SMIM14: variants seen among roughly 807,000 people sequenced by gnomAD.
SMIM14 encodes small integral membrane protein 14.
A neutral mutation model predicts 12.6 loss-of-function variants in SMIM14; 5 were observed. The observed-to-expected ratio is 0.40, with a 90% CI of 0.21 to 0.83. The LOEUF is 0.83. Ranked by LOEUF, SMIM14 falls within the 40% of genes least tolerant of loss-of-function variation. The pLI is 0.37. For synonymous variants in SMIM14, 30 were observed against 40.1 expected, an observed-to-expected ratio of 0.75 and a Z score of 0.95; for missense variants, 86 against 119.1, an observed-to-expected ratio of 0.72 and a Z score of 1.29.
chr4:39,618,080 A>C (rs930812272), intron 1 of SMIM14, among the ~76,000 whole-genome samples: 1 of 152,182 alleles, frequency 6.6e-6, no homozygotes, highest in Non-Finnish European at 1.5e-5. Context: ...CTCCTGCCAA[A>C]GCAAGCCCAC....
chr4:39,588,684 A>G (rs2110034525), intron 2 of SMIM14, among the ~76,000 whole-genome samples: 1 of 152,202 alleles, frequency 6.6e-6, no homozygotes, highest in African/African-American at 2.4e-5. Context: ...CATATTTCTT[A>G]AAAAGATCTG....
intron 4 of SMIM14, 144 bp downstream of exon 4, chr4:39,556,284 T>G (rs1035623807): frequency 8.5e-5 from 57 of 667,250 alleles, no homozygotes; most frequent in Non-Finnish European, 1.2e-4. Flanking sequence ...ATTGCAATAT[T>G]TAATAGAACT....
intron 1 of SMIM14, among the ~76,000 whole-genome samples, chr4:39,611,233 C>T (rs184098589): frequency 6.6e-5 from 10 of 152,306 alleles, no homozygotes; most frequent in East Asian, 5.8e-4. Context: ...CAGCCAGACA[C>T]GGTGGCTCAC....
At position 39,572,543 on chromosome 4, in the gene SMIM14, G is replaced by C. The variant is rs570244714; in HGVS notation, c.76-80C>G. The C allele has an allele frequency of 1.8e-5, 23 of 1,253,416 alleles. No individual in the cohort carries two copies. In the African/African-American group the frequency reaches 3.1e-4, roughly 17 times the overall value. The allele number at this position is 1,253,416 out of a possible 1,614,324, so 77.6% of individuals were successfully genotyped here. On this transcript the variant is annotated intron_variant, in intron 2 of 4. Transcript: ENST00000295958. The stretch of plus-strand genomic sequence containing the variant: ...TAATTATTAGAAAGATCATGTTTTG[G>C]CCGGGTGCGGTGGCTCACGCCTGTA...
At chr4:39,584,015 TAGG>T (rs1578332689) in intron 2 of SMIM14, 1 of 152,028 alleles carries the variant, frequency 6.6e-6, no homozygotes, top group African/African-American at 2.4e-5. Context: ...CAAACTACAA[TAGG>T]AGAATTTTTT....
chr4:39,627,663 A>AGT (rs1382707783), intron 1 of SMIM14, among the ~76,000 whole-genome samples: 1 of 152,158 alleles, frequency 6.6e-6, no homozygotes, highest in Non-Finnish European at 1.5e-5. Flanking sequence ...AGTGCTCTGG[A>AGT]GTGTGTGTGT....
intron 2 of SMIM14, among the ~76,000 whole-genome samples, chr4:39,576,273 A>G (rs548237994): frequency 6.6e-6 from 1 of 151,772 alleles, no homozygotes; most frequent in African/African-American, 2.4e-5. Context: ...AATGTCAGAG[A>G]CCCATGCAGA....
chr4:39,578,357 A>G (rs576551777), intron 2 of SMIM14, among the ~76,000 whole-genome samples: 1 of 152,272 alleles, frequency 6.6e-6, no homozygotes, highest in African/African-American at 2.4e-5. Context: ...AGAGAGGCCT[A>G]ATTTACAATG....
intron 2 of SMIM14, among the ~76,000 whole-genome samples, chr4:39,591,080 G>C (rs1328270270): frequency 6.6e-6 from 1 of 151,960 alleles, no homozygotes; most frequent in African/African-American, 2.4e-5. Context: ...AAATTGTATA[G>C]TATTTACATA....
At chr4:39,585,594 G>C (rs1713747518) in intron 2 of SMIM14, among the ~76,000 whole-genome samples, 1 of 151,982 alleles carries the variant, frequency 6.6e-6, no homozygotes, top group African/African-American at 2.4e-5. Flanking sequence ...ACTGCGCCCA[G>C]CCTACTTCTA....
intron 4 of SMIM14, among the ~76,000 whole-genome samples, chr4:39,554,370 G>A (rs909989816): frequency 6.6e-6 from 1 of 152,182 alleles, no homozygotes; most frequent in Non-Finnish European, 1.5e-5. Flanking sequence ...TACTTCGGGA[G>A]GCCGAGGCAG....
intron 1 of SMIM14, among the ~76,000 whole-genome samples, chr4:39,606,734 G>T (rs1159394793): frequency 6.6e-6 from 1 of 151,998 alleles, no homozygotes; most frequent in Non-Finnish European, 1.5e-5. Context: ...CCTATCACTG[G>T]CCCAGTTTAC....
At chr4:39,604,091 A>G (rs1301040932) in intron 2 of SMIM14, among the ~76,000 whole-genome samples, 1 of 152,134 alleles carries the variant, frequency 6.6e-6, no homozygotes, top group Non-Finnish European at 1.5e-5. Context: ...GAACTATATC[A>G]TAACAGGAAC....
At chr4:39,617,414 C>T (rs529768256) in intron 1 of SMIM14, among the ~76,000 whole-genome samples, 3 of 152,132 alleles carry the variant, frequency 2.0e-5, no homozygotes, top group Non-Finnish European at 4.4e-5. Context: ...AAAGAATAAT[C>T]TTACAGTAAG....
intron 2 of SMIM14, among the ~76,000 whole-genome samples, chr4:39,576,313 G>A (rs1713167081): frequency 1.3e-5 from 2 of 151,856 alleles, no homozygotes; most frequent in South Asian, 4.2e-4. Context: ...TGACAGAAGG[G>A]CAGTTGAGTA....
At chr4:39,607,108 C>A (rs542417225) in intron 1 of SMIM14, among the ~76,000 whole-genome samples, 4 of 152,096 alleles carry the variant, frequency 2.6e-5, no homozygotes, top group Non-Finnish European at 5.9e-5. Context: ...TCAAGGCCAG[C>A]CTGAGCAACA....
At chr4:39,556,118 G>A (rs143434393) in intron 4 of SMIM14, among the ~76,000 whole-genome samples, 4 of 150,376 alleles carry the variant, frequency 2.7e-5, no homozygotes, top group African/African-American at 4.9e-5. Context: ...AGCTAAGATC[G>A]CACCAGTGCA....
chr4:39,595,399 T>C (rs1443515609), intron 2 of SMIM14, among the ~76,000 whole-genome samples: 3 of 104,870 alleles, frequency 2.9e-5, no homozygotes, highest in Non-Finnish European at 1.8e-5. Flanking sequence ...CTCTGGGGAC[T>C]GTTGTGGGGT....
intron 3 of SMIM14, among the ~76,000 whole-genome samples, chr4:39,570,680 G>A (rs972363345): frequency 2.0e-5 from 3 of 150,240 alleles, no homozygotes; most frequent in Non-Finnish European, 4.4e-5. Context: ...TTTTTGAGAT[G>A]GGATCTCACT....
Sources: allele counts gnomAD v4.1 joint callset (sites outside exome capture counted in the v4.1 genomes callset), GRCh38; gene constraint gnomAD v4.1.1; transcripts MANE v1.5; gene names NCBI Gene and HGNC (gene_info 2026-07-23, HGNC 2026-07-21).